The following MARK4 variants were observed in gnomAD, a reference collection of about 807,000 sequenced individuals.
The protein encoded by MARK4 is MAP/microtubule affinity-regulating kinase 4.
Under a neutral mutation model 81.5 loss-of-function variants are expected in MARK4, and 19 were observed. The ratio of observed to expected loss-of-function variants is 0.23; its 90% CI spans 0.16 to 0.34. The LOEUF (loss-of-function observed/expected upper bound fraction) is 0.34. Among genes scored for constraint, MARK4 ranks in the 10% least tolerant of loss-of-function variants. The probability of loss-of-function intolerance (pLI) is 1.00; values close to 1 mark genes in which losing one functional copy is unlikely to be tolerated. For synonymous variants in MARK4, 436 were observed against 439.0 expected, an observed-to-expected ratio of 0.99 and a Z score of 0.08; for missense variants, 772 against 1,058.8, an observed-to-expected ratio of 0.73 and a Z score of 3.76.
intron 8 of MARK4, among the ~76,000 whole-genome samples, chr19:45,275,828 G>A (rs577027356): frequency 2.9e-4 from 44 of 152,210 alleles, no homozygotes; most frequent in Non-Finnish European, 5.9e-4. Flanking sequence ...TTAGAACACT[G>A]CCTGCTAAGG....
intron 1 of MARK4, among the ~76,000 whole-genome samples, chr19:45,251,916 C>T (rs989598683): frequency 2.6e-5 from 4 of 151,968 alleles, no homozygotes; most frequent in African/African-American, 4.8e-5. Flanking sequence ...AGCCCCTTCC[C>T]CTGCTTCCAG....
At chr19:45,258,922 G>A in intron 1 of MARK4, 67 bp from the exon 2 acceptor site, 1 of 1,545,976 alleles carries the variant, frequency 6.5e-7, no homozygotes, top group Non-Finnish European at 8.8e-7. Flanking sequence ...CTCAAGTTAA[G>A]TGCACTAGCC....
chr19:45,256,637 G>A (rs1443607252), intron 1 of MARK4, among the ~76,000 whole-genome samples: 2 of 152,176 alleles, frequency 1.3e-5, no homozygotes, highest in African/African-American at 2.4e-5. Flanking sequence ...GAGGAGCCTC[G>A]AGTCCAGATT....
At position 45,259,180 on chromosome 19, in the gene MARK4, T is replaced by C. The variant is rs762718783; in HGVS notation, c.243T>C (p.Thr81=). The change falls in exon 2 of 17, where the codon ACT becomes ACC. Residue 81 remains threonine, a synonymous_variant. Transcript: ENST00000262891. ...AKVKLARHIL[T]GREVAIKIID... ...TCAAGCTGGCTCGGCACATCCTCAC[T>C]GGTCGGGAGGTGAGTATGGGCACAG... 7.4e-6 allele frequency: 12 copies of C among 1,613,856 alleles called. No individual in the cohort carries two copies. Among genetic ancestry groups the C allele is most frequent in the Non-Finnish European group, 1.0e-5 (12 of 1,180,014 alleles).
Position 45,254,788 on chromosome 19 carries a change from C to A in MARK4, c.51+3149C>A, listed in dbSNP as rs548837982. On this transcript the variant is annotated intron_variant, in intron 1 of 16. Coordinates refer to ENST00000262891, the MANE Select transcript of MARK4 (RefSeq NM_001199867.2). ...GTGACCTTCACATGGCACCTTCCCTCTCCAAGGCTCAGTTTCTCTGCTGGA... is the reference window on the plus strand; with the variant it reads ...GTGACCTTCACATGGCACCTTCCCTATCCAAGGCTCAGTTTCTCTGCTGGA... 2.6e-5 allele frequency among the ~76,000 whole-genome samples: 4 copies of A among 152,360 alleles called. No homozygotes were observed. In the South Asian group the frequency reaches 6.2e-4, roughly 24 times the overall value.
intron 2 of MARK4, among the ~76,000 whole-genome samples, chr19:45,261,765 C>T (rs1970383655): frequency 6.6e-6 from 1 of 152,120 alleles, no homozygotes; most frequent in Non-Finnish European, 1.5e-5. Flanking sequence ...GAAACCCCGT[C>T]TCTACTAAAA....
intron 7 of MARK4, among the ~76,000 whole-genome samples, chr19:45,270,478 T>C (rs1204759799): frequency 6.6e-6 from 1 of 152,166 alleles, no homozygotes; most frequent in Admixed American, 6.6e-5. Flanking sequence ...CCTTATTTTG[T>C]TTCTGCTGGG....
chr19:45,275,507 G>A (rs1970586706), intron 8 of MARK4, among the ~76,000 whole-genome samples: 1 of 151,656 alleles, frequency 6.6e-6, no homozygotes, highest in Admixed American at 6.6e-5. Flanking sequence ...AAAAGCATCT[G>A]CTTGCAGCCC....
At chr19:45,260,558 G>T (rs1266381464) in intron 2 of MARK4, among the ~76,000 whole-genome samples, 1 of 151,956 alleles carries the variant, frequency 6.6e-6, no homozygotes, top group Non-Finnish European at 1.5e-5. Flanking sequence ...TTAGCTGGGT[G>T]TGGTGGTGCG....
Position 45,297,237 on chromosome 19 carries a change from G to A in MARK4, c.1599-439G>A, listed in dbSNP as rs1970898989. ...AACCCCCACTGCCCAGATTACCATAGTGAATACAGGTATCCTTGACCTTTA... is the reference window on the plus strand; with the variant it reads ...AACCCCCACTGCCCAGATTACCATAATGAATACAGGTATCCTTGACCTTTA... On this transcript the variant is annotated intron_variant, in intron 14 of 16. Coordinates refer to ENST00000262891, the MANE Select transcript of MARK4 (RefSeq NM_001199867.2). Among the ~76,000 whole-genome samples, 3 of 152,170 alleles carry A rather than the reference G, an allele frequency of 2.0e-5. No individual in the cohort carries two copies. In the South Asian group the frequency reaches 6.2e-4, roughly 32 times the overall value.
rs778118260 is a variant in MARK4 at position 45,287,495 on chromosome 19, C to T, written c.1325C>T (p.Thr442Met). 6.6e-6 allele frequency: 10 copies of T among 1,520,120 alleles called. No individual in the cohort carries two copies. Among genetic ancestry groups the T allele is most frequent in the East Asian group, 4.7e-5 (2 of 42,274 alleles). 94.2% of individuals were successfully genotyped at this position (1,520,120 alleles called of 1,614,324 possible). A position where few individuals can be genotyped will look rare whatever the true frequency, so the allele number is the denominator to read the frequency against. The change falls in exon 13 of 17, where the codon ACG becomes ATG. Residue 442 changes from threonine to methionine, a missense_variant. Thr to Met is a moderately conservative substitution (Grantham distance 81). Around this residue, in one of 3 missense-constraint regions of MARK4, gnomAD observed 548 missense variants for 624.3 expected, o/e 0.88. Coordinates refer to ENST00000262891, the MANE Select transcript of MARK4 (RefSeq NM_001199867.2). ...CACCCCAAACGCAGCCCGACGAGCA[C>T]GGGGGAGGCGGAGCTGAAGGAGGAG... ...PLHPKRSPTSTGEAELKEERL... is the reference protein window; with the variant it reads ...PLHPKRSPTSMGEAELKEERL...
At chr19:45,267,147 C>G (rs1300947968) in intron 7 of MARK4, among the ~76,000 whole-genome samples, 1 of 152,160 alleles carries the variant, frequency 6.6e-6, no homozygotes, top group Non-Finnish European at 1.5e-5. Flanking sequence ...CAACCTCCGC[C>G]TCCCGGGTTC....
At chr19:45,300,079 T>C (rs1970947643) in intron 16 of MARK4, among the ~76,000 whole-genome samples, 1 of 152,226 alleles carries the variant, frequency 6.6e-6, no homozygotes. Flanking sequence ...CTGGGTGCCA[T>C]GGCCCAAGCC....
At position 45,259,076 on chromosome 19, in the gene MARK4, G is replaced by A. The variant is rs758021513; in HGVS notation, c.139G>A (p.Ala47Thr). ...GGGTGCCCGTTGCCGGAACTCCATC[G>A]CCTCCTGTCCCGAGGAGCAGCCCCA... ...SLGARCRNSI[A>T]SCPEEQPHVG... is the part of the protein sequence containing the mutation. The change falls in exon 2 of 17, where the codon GCC becomes ACC. Residue 47 changes from alanine to threonine, a missense_variant. Ala to Thr is a moderately conservative substitution (Grantham distance 58). This residue lies in a region of MARK4 where 115 missense variants were observed against 139.8 expected (regional missense o/e 0.82). Coordinates refer to ENST00000262891, the MANE Select transcript of MARK4 (RefSeq NM_001199867.2). The A allele has an allele frequency of 3.8e-5, 62 of 1,613,968 alleles. No homozygotes were observed. Among genetic ancestry groups the A allele is most frequent in the African/African-American group, 8.0e-5 (6 of 74,932 alleles).
Position 45,280,670 on chromosome 19 carries a change from C to A in MARK4, c.1212C>A (p.Ser404Arg). ...TNGTSSSKGT[S>R]HSKGQRSSSS... ...GAACAAGTTCCAGCAAAGGCACCAG[C>A]CACAGCAAAGGGCAGCGGAGTTCCT... Residue 404 changes from serine to arginine, a missense_variant, in exon 12 of 17, where the codon AGC (serine) becomes AGA (arginine). By Grantham distance (110) the Ser-to-Arg change is moderately radical. This residue lies in a region of MARK4 where 548 missense variants were observed against 624.3 expected (regional missense o/e 0.88). Coordinates refer to ENST00000262891, the MANE Select transcript of MARK4 (RefSeq NM_001199867.2). 6.2e-7 allele frequency: 1 copy of A among 1,614,182 alleles called. No homozygotes were observed. Among genetic ancestry groups the A allele is most frequent in the South Asian group, 1.1e-5 (1 of 91,082 alleles).
chr19:45,262,991 CT>C, intron 2 of MARK4, 121 bp from the exon 3 acceptor site: 1 of 1,162,090 alleles, frequency 8.6e-7, no homozygotes, highest in Non-Finnish European at 1.2e-6. Flanking sequence ...TCTCGAACTC[CT>C]GGCCTCAAGT....
intron 13 of MARK4, among the ~76,000 whole-genome samples, chr19:45,288,712 T>C (rs528372794): frequency 1.3e-5 from 2 of 151,970 alleles, no homozygotes; most frequent in South Asian, 4.2e-4. Flanking sequence ...TAGCTGGGCA[T>C]GGTGGCATGC....
At chr19:45,253,391 G>A (rs1970269166) in intron 1 of MARK4, among the ~76,000 whole-genome samples, 2 of 152,178 alleles carry the variant, frequency 1.3e-5, no homozygotes, top group Admixed American at 1.3e-4. Context: ...TTCCAATGCT[G>A]ACATGGCCAG....
rs756882772 is a variant in MARK4, at chr19:45,258,944, C to T, written c.52-45C>T. ...TAAGTGCACTAGCCCACGGGTTCCA[C>T]GGAAGGTGGGATTGGATAGCTCATG... is the stretch of plus-strand genomic sequence containing the variant. On this transcript the variant is annotated intron_variant, in intron 1 of 16. Coordinates refer to ENST00000262891, the MANE Select transcript of MARK4 (RefSeq NM_001199867.2). 2.7e-5 allele frequency: 43 copies of T among 1,587,942 alleles called. No individual in the cohort carries two copies. In the Middle Eastern group the frequency reaches 6.8e-4, roughly 25 times the overall value.
Sources: gnomAD v4.1 joint callset for allele counts (sites outside exome capture counted in the v4.1 genomes callset) on GRCh38, gnomAD v4.1.1 for gene constraint, gnomAD v4.1.1 regional missense constraint, MANE v1.5 for transcripts, NCBI Gene and HGNC (gene_info 2026-07-23, HGNC 2026-07-21) for gene names.